Variants in ARMC9 observed in about 807,000 individuals in gnomAD.
ARMC9 encodes armadillo repeat containing 9, also known as lisH domain-containing protein ARMC9.
In ARMC9, 94 loss-of-function variants were observed where a neutral mutation model predicts 107.0. That is an observed-to-expected ratio of 0.88 (90% CI 0.74 to 1.04). The LOEUF is 1.04. Ranked by LOEUF, ARMC9 falls within the 50% of genes least tolerant of loss-of-function variation. The pLI is 0.00. For missense variants in ARMC9, 942 were observed against 1,030.1 expected (o/e 0.91, Z 1.17); for synonymous variants, 380 against 396.9 (o/e 0.96, Z 0.51).
chr2:231,259,363 C>T (rs1042824925), intron 11 of ARMC9, among the ~76,000 whole-genome samples: 2 of 152,100 alleles, frequency 1.3e-5, no homozygotes, highest in Non-Finnish European at 2.9e-5. Flanking sequence ...TGTGTGTAGC[C>T]CTTTCCTGGT....
At chr2:231,202,761 G>A (rs963396631) in intron 1 of ARMC9, among the ~76,000 whole-genome samples, 6 of 152,248 alleles carry the variant, frequency 3.9e-5, no homozygotes, top group Admixed American at 2.0e-4. Flanking sequence ...AGAGAAACAC[G>A]AAGGGTGACT....
intron 20 of ARMC9, among the ~76,000 whole-genome samples, chr2:231,334,340 G>A (rs1308524412): frequency 6.6e-6 from 1 of 152,228 alleles, no homozygotes; most frequent in Non-Finnish European, 1.5e-5. Context: ...GGACTCTATG[G>A]GAGGATCCTT....
intron 3 of ARMC9, among the ~76,000 whole-genome samples, chr2:231,212,567 A>G (rs1456252853): frequency 2.6e-5 from 4 of 152,188 alleles, no homozygotes; most frequent in African/African-American, 9.7e-5. Flanking sequence ...TGGTCACCGC[A>G]CTTCTCATGG....
At chr2:231,245,242 A>G (rs975257579) in intron 9 of ARMC9, among the ~76,000 whole-genome samples, 1 of 152,204 alleles carries the variant, frequency 6.6e-6, no homozygotes, top group East Asian at 1.9e-4. Flanking sequence ...GAGAAATCAG[A>G]TTTTATATTA....
intron 19 of ARMC9, among the ~76,000 whole-genome samples, chr2:231,314,838 T>C (rs1342819409): frequency 6.6e-6 from 1 of 152,238 alleles, no homozygotes; most frequent in Non-Finnish European, 1.5e-5. Context: ...GTGTGTGATG[T>C]GAGATAAAGA....
chr2:231,368,867 C>T (rs768392818), intron 23 of ARMC9, among the ~76,000 whole-genome samples: 5 of 152,118 alleles, frequency 3.3e-5, no homozygotes, highest in Non-Finnish European at 7.4e-5. Flanking sequence ...TTGTGATCTG[C>T]CCACTTTGGC....
intron 19 of ARMC9, among the ~76,000 whole-genome samples, chr2:231,316,777 G>T (rs548084061): frequency 8.3e-4 from 126 of 151,962 alleles, no homozygotes; most frequent in African/African-American, 2.8e-3. Flanking sequence ...TGTTTTGTTT[G>T]TTTGTGACAG....
At chr2:231,290,876 A>G (rs577568784) in intron 17 of ARMC9, among the ~76,000 whole-genome samples, 2 of 149,258 alleles carry the variant, frequency 1.3e-5, no homozygotes, top group African/African-American at 2.5e-5. Flanking sequence ...AAAACACAGG[A>G]AAAAAAAAAC....
chr2:231,295,306 G>A (rs995399910), intron 18 of ARMC9: 3 of 152,362 alleles, frequency 2.0e-5, no homozygotes, highest in Non-Finnish European at 4.4e-5. Flanking sequence ...GAGTCAGTAA[G>A]CATTCATTCA....
intron 21 of ARMC9, among the ~76,000 whole-genome samples, chr2:231,352,013 G>T (rs990027776): frequency 6.6e-6 from 1 of 152,012 alleles, no homozygotes; most frequent in Non-Finnish European, 1.5e-5. Context: ...TGTCACCCCG[G>T]CTGGAGTATA....
At chr2:231,275,770 A>G (rs543336017) in intron 14 of ARMC9, among the ~76,000 whole-genome samples, 207 of 152,336 alleles carry the variant, frequency 1.4e-3, no homozygotes, top group African/African-American at 4.6e-3. Context: ...CCTGGCCAAC[A>G]TGAAGAAACC....
Position 231,297,543 on chromosome 2 carries a change from C to T in ARMC9, c.1773+1290C>T, listed in dbSNP as rs938160278. On this transcript the variant is annotated intron_variant, in intron 19 of 24. Transcript: ENST00000611582. The surrounding 1 kb of genome is among the most constrained non-coding windows in gnomAD (Gnocchi z 4.2). ...TGTCAGCAGTACATAAGTGGCTGAA[C>T]GTGGCTGTGTTCCTGTAAAACTATT... Among the ~76,000 whole-genome samples, 2 of 152,174 alleles carry T rather than the reference C, an allele frequency of 1.3e-5. No individual in the cohort carries two copies. Among genetic ancestry groups the T allele is most frequent in the Admixed American group, 6.5e-5 (1 of 15,288 alleles).
At chr2:231,310,520 C>T (rs532384472) in intron 19 of ARMC9, among the ~76,000 whole-genome samples, 13 of 151,218 alleles carry the variant, frequency 8.6e-5, no homozygotes, top group Admixed American at 4.6e-4. Context: ...CACCTGAGGT[C>T]GGGAGTTCAC....
At chr2:231,265,834 C>G (rs1216605335) in intron 12 of ARMC9, among the ~76,000 whole-genome samples, 1 of 151,724 alleles carries the variant, frequency 6.6e-6, no homozygotes, top group Non-Finnish European at 1.5e-5. Context: ...ATGGTGAAAC[C>G]CTGTCTCTAC....
intron 11 of ARMC9, 84 bp from the exon 12 acceptor site, chr2:231,262,222 T>A (rs2038426062): frequency 8.2e-7 from 1 of 1,222,436 alleles, no homozygotes; most frequent in East Asian, 2.3e-5. Context: ...GTACTGATAC[T>A]GCCATCTAAA....
intron 23 of ARMC9, among the ~76,000 whole-genome samples, chr2:231,369,258 G>A (rs549901261): frequency 1.4e-4 from 21 of 151,876 alleles, no homozygotes; most frequent in Non-Finnish European, 2.5e-4. Flanking sequence ...TATGCCCATC[G>A]TCTCCTTCCT....
intron 8 of ARMC9, among the ~76,000 whole-genome samples, chr2:231,237,063 G>A (rs143807775): frequency 3.9e-5 from 6 of 152,326 alleles, no homozygotes; most frequent in African/African-American, 9.6e-5. Flanking sequence ...TCAGAGAAGC[G>A]TGTAGTAAGG....
chr2:231,282,456 G>C (rs1049659280), intron 17 of ARMC9, among the ~76,000 whole-genome samples: 1 of 152,192 alleles, frequency 6.6e-6, no homozygotes, highest in Non-Finnish European at 1.5e-5. Context: ...GACTTGGTTT[G>C]GTTGGTAAAT....
chr2:231,343,248 G>A (rs1053412731), intron 20 of ARMC9, among the ~76,000 whole-genome samples: 1 of 151,454 alleles, frequency 6.6e-6, no homozygotes, highest in Admixed American at 6.6e-5. Flanking sequence ...CACTTCCCTG[G>A]CTGAGAACTG....
Sources: gnomAD v4.1 joint callset for allele counts (sites outside exome capture counted in the v4.1 genomes callset) on GRCh38, gnomAD v4.1.1 for gene constraint, Gnocchi (gnomAD v3.1) non-coding constraint, MANE v1.5 for transcripts, NCBI Gene and HGNC (gene_info 2026-07-23, HGNC 2026-07-21) for gene names.